Variants in PPM1E observed in about 807,000 individuals in gnomAD.
PPM1E encodes protein phosphatase 1E.
PPM1E carries 20 observed loss-of-function variants against 65.9 expected under a neutral mutation model. The observed-to-expected ratio is 0.30, with a 90% CI of 0.21 to 0.44. The LOEUF (loss-of-function observed/expected upper bound fraction) is 0.44, where lower values mean the gene tolerates loss of function less well. Ranked by LOEUF, PPM1E falls within the 20% of genes least tolerant of loss-of-function variation. The pLI is 1.00. For synonymous variants in PPM1E, 352 were observed against 374.9 expected (o/e 0.94, Z 0.70); for missense variants, 713 against 953.1 (o/e 0.75, Z 3.32).
chr17:58,965,903 A>C lies in PPM1E; in HGVS notation c.783+10A>C. ...GCTCTTCAACCTAGAGGTAAAGGGC[A>C]CTTTCGGAGAGTCAGTGAGATTTTA... On this transcript the variant is annotated intron_variant, in intron 3 of 6. Coordinates refer to ENST00000308249, the MANE Select transcript of PPM1E (RefSeq NM_014906.5). 2 of 1,612,856 alleles carry C rather than the reference A, an allele frequency of 1.2e-6. No homozygotes were observed. The highest frequency in any genetic ancestry group is 1.7e-6 in the Non-Finnish European group (2 of 1,178,930).
At chr17:58,853,494 A>G (rs1036828480) in intron 1 of PPM1E, among the ~76,000 whole-genome samples, 6 of 152,140 alleles carry the variant, frequency 3.9e-5, no homozygotes, top group Admixed American at 6.5e-5. Flanking sequence ...TGTCAGTACT[A>G]TTCTGCCTTG....
intron 1 of PPM1E, among the ~76,000 whole-genome samples, chr17:58,893,138 G>A (rs1049628189): frequency 6.6e-5 from 10 of 152,096 alleles, no homozygotes; most frequent in East Asian, 1.9e-4. Flanking sequence ...ACTTATGCCC[G>A]CAAAAAATAC....
intron 1 of PPM1E, among the ~76,000 whole-genome samples, chr17:58,930,019 T>G (rs2051871553): frequency 6.6e-6 from 1 of 152,150 alleles, no homozygotes; most frequent in Non-Finnish European, 1.5e-5. Flanking sequence ...TTTGAAAATT[T>G]ACTTGTTTTG....
intron 1 of PPM1E, among the ~76,000 whole-genome samples, chr17:58,873,612 G>A (rs543012158): frequency 9.8e-5 from 10 of 102,526 alleles, no homozygotes; most frequent in Admixed American, 2.1e-4. Flanking sequence ...TATTATTTTC[G>A]AGTCAGGGTC....
chr17:58,872,782 C>G (rs1387815365), intron 1 of PPM1E, among the ~76,000 whole-genome samples: 1 of 152,114 alleles, frequency 6.6e-6, no homozygotes, highest in Non-Finnish European at 1.5e-5. Context: ...GTTGAGTTTC[C>G]ATTTATATAG....
At chr17:58,868,344 G>A (rs987623762) in intron 1 of PPM1E, among the ~76,000 whole-genome samples, 5 of 151,768 alleles carry the variant, frequency 3.3e-5, no homozygotes, top group East Asian at 1.9e-4. Context: ...CAAAAACAAC[G>A]TAGGCCCTCG....
chr17:58,889,593 G>A (rs926817547), intron 1 of PPM1E, among the ~76,000 whole-genome samples: 5 of 151,832 alleles, frequency 3.3e-5, no homozygotes, highest in East Asian at 1.9e-4. Flanking sequence ...TCGAGACTCC[G>A]TCTCAAGAAA....
rs368531752 is a variant in PPM1E at position 58,784,860 on chromosome 17, A to G, written c.464+28399A>G. On this transcript the variant is annotated intron_variant, in intron 1 of 6. Coordinates refer to ENST00000308249, the MANE Select transcript of PPM1E (RefSeq NM_014906.5). Reference sequence around the variant, plus strand: ...TAAATTGGGTTATTTATCTTTTATTATTTGAATTGTAAGAGTTCTCTATAT... The same window carrying G: ...TAAATTGGGTTATTTATCTTTTATTGTTTGAATTGTAAGAGTTCTCTATAT... 3.3e-4 allele frequency among the ~76,000 whole-genome samples: 50 copies of G among 152,170 alleles called. 1 individual carries two copies. The East Asian group carries it at 4.8e-3, about 15-fold the overall frequency.
intron 1 of PPM1E, among the ~76,000 whole-genome samples, chr17:58,801,089 A>G (rs1038541016): frequency 3.9e-5 from 6 of 151,988 alleles, no homozygotes; most frequent in South Asian, 2.1e-4. Flanking sequence ...AATATATTCT[A>G]TCTTGGTGAA....
At chr17:58,766,604 TATACAC>T (rs1169162829) in intron 1 of PPM1E, among the ~76,000 whole-genome samples, 4 of 103,408 alleles carry the variant, frequency 3.9e-5, no homozygotes, top group East Asian at 4.5e-4. Context: ...TATGTGTGTG[TATACAC>T]ACACACACAC....
chr17:58,824,773 A>ATT (rs35598764), intron 1 of PPM1E, among the ~76,000 whole-genome samples: 3 of 132,428 alleles, frequency 2.3e-5, no homozygotes, highest in Non-Finnish European at 4.8e-5. Flanking sequence ...TATTTTTTGT[A>ATT]TTTTTTTTTT....
chr17:58,937,350 AC>A (rs1598661716), intron 1 of PPM1E, among the ~76,000 whole-genome samples: 1 of 132,698 alleles, frequency 7.5e-6, no homozygotes, highest in Non-Finnish European at 1.6e-5. Context: ...TGCAACCTCC[AC>A]CTCCCCAGTT....
intron 1 of PPM1E, among the ~76,000 whole-genome samples, chr17:58,932,626 T>C (rs958744626): frequency 1.3e-5 from 2 of 152,190 alleles, no homozygotes; most frequent in Admixed American, 1.3e-4. Flanking sequence ...CAGGATATCA[T>C]TTTTATACCA....
chr17:58,796,352 T>A (rs797010510), intron 1 of PPM1E, among the ~76,000 whole-genome samples: 6 of 152,276 alleles, frequency 3.9e-5, no homozygotes, highest in African/African-American at 1.4e-4. Context: ...GCTTGGTTTT[T>A]TCCCATGGCA....
chr17:58,760,287 G>A (rs531698101), intron 1 of PPM1E, among the ~76,000 whole-genome samples: 42 of 152,270 alleles, frequency 2.8e-4, no homozygotes, highest in African/African-American at 1.0e-3. Context: ...TGCTAGAACA[G>A]CTTTACCTAG....
chr17:58,924,086 T>TA (rs2051792250), intron 1 of PPM1E, among the ~76,000 whole-genome samples: 2 of 151,554 alleles, frequency 1.3e-5, no homozygotes, highest in Non-Finnish European at 2.9e-5. Flanking sequence ...GCCTGGCTAA[T>TA]TTTTGTATTT....
At chr17:58,894,690 A>G (rs574435947) in intron 1 of PPM1E, among the ~76,000 whole-genome samples, 2 of 152,306 alleles carry the variant, frequency 1.3e-5, no homozygotes, top group African/African-American at 4.8e-5. Context: ...ATACATATAC[A>G]CACAAACACA....
chr17:58,984,238 C>T lies in PPM1E; in HGVS notation c.*3207C>T, dbSNP rs1775444548. ...TCAACACTGAGTCTAATTTTGACCA[C>T]ATTTATAGTGGTATAGTGTCAATAC... On this transcript the variant is annotated 3_prime_UTR_variant, in exon 7 of 7. Coordinates refer to ENST00000308249, the MANE Select transcript of PPM1E (RefSeq NM_014906.5). 1 of 152,604 alleles carries T rather than the reference C, an allele frequency of 6.6e-6. No individual in the cohort carries two copies. The highest frequency in any genetic ancestry group is 2.4e-5 in the African/African-American group (1 of 41,446). The allele number at this position is 152,604 out of a possible 1,614,324, so 9.5% of individuals were successfully genotyped here.
intron 1 of PPM1E, among the ~76,000 whole-genome samples, chr17:58,797,602 T>G (rs2050218936): frequency 6.6e-6 from 1 of 152,238 alleles, no homozygotes; most frequent in African/African-American, 2.4e-5. Flanking sequence ...CACAGTTTTT[T>G]CATTTATTCT....
Sources: allele counts gnomAD v4.1 joint callset (sites outside exome capture counted in the v4.1 genomes callset), GRCh38; gene constraint gnomAD v4.1.1; transcripts MANE v1.5; gene names NCBI Gene and HGNC (gene_info 2026-07-23, HGNC 2026-07-21).